The following WWTR1 variants were observed in gnomAD, a reference collection of about 807,000 sequenced individuals.
WWTR1 encodes the protein WW domain containing transcription regulator 1, also known as WW domain-containing transcription regulator protein 1.
In WWTR1, 13 loss-of-function variants were observed where a neutral mutation model predicts 40.1. The ratio of observed to expected loss-of-function variants is 0.32; its 90% CI spans 0.21 to 0.52. The LOEUF (loss-of-function observed/expected upper bound fraction) is 0.52, where lower values mean the gene tolerates loss of function less well. WWTR1 is among the 20% of genes least tolerant of loss of function. The pLI is 0.97. For missense variants in WWTR1, 436 were observed against 523.1 expected (o/e 0.83, Z 1.63); for synonymous variants, 230 against 210.1 (o/e 1.09, Z -0.82).
chr3:149,598,844 C>A (rs1249800193), intron 2 of WWTR1, among the ~76,000 whole-genome samples: 1 of 152,070 alleles, frequency 6.6e-6, no homozygotes, highest in African/African-American at 2.4e-5. Context: ...TAGGCTAGAG[C>A]CCCAGAATCA....
chr3:149,631,475 A>G (rs1711545958), intron 2 of WWTR1, among the ~76,000 whole-genome samples: 1 of 152,242 alleles, frequency 6.6e-6, no homozygotes, highest in Non-Finnish European at 1.5e-5. Flanking sequence ...TTACTAAAAA[A>G]GGCATTTTCA....
chr3:149,544,160 C>A (rs1348488672), intron 3 of WWTR1, among the ~76,000 whole-genome samples: 1 of 151,822 alleles, frequency 6.6e-6, no homozygotes, highest in Non-Finnish European at 1.5e-5. Context: ...ATTTAAGTAG[C>A]CCAAATCTCC....
chr3:149,636,325 A>C (rs1217849434), intron 2 of WWTR1, among the ~76,000 whole-genome samples: 1 of 152,220 alleles, frequency 6.6e-6, no homozygotes, highest in East Asian at 1.9e-4. Flanking sequence ...TTGAAACCCA[A>C]ACAGCCTACT....
intron 1 of WWTR1, among the ~76,000 whole-genome samples, chr3:149,696,438 T>C (rs1714994644): frequency 6.6e-6 from 1 of 152,202 alleles, no homozygotes; most frequent in African/African-American, 2.4e-5. Context: ...CCTTACAAGG[T>C]AAGTACTAAT....
chr3:149,621,478 T>C (rs150253594), intron 2 of WWTR1, among the ~76,000 whole-genome samples: 24 of 152,332 alleles, frequency 1.6e-4, no homozygotes, highest in African/African-American at 5.3e-4. Context: ...TAGCTTGTTG[T>C]ATATTCCCAT....
intron 1 of WWTR1, among the ~76,000 whole-genome samples, chr3:149,675,722 T>TC (rs1714237820): frequency 6.6e-6 from 1 of 151,038 alleles, no homozygotes; most frequent in African/African-American, 2.5e-5. Flanking sequence ...AAAATTTCTT[T>TC]CTTTTTTTTT....
rs764344843 is a variant in WWTR1, at chr3:149,518,891, A to C, written c.*1914T>G. 6 of 151,602 alleles carry C rather than the reference A, an allele frequency of 4.0e-5. No homozygotes were observed. Among genetic ancestry groups the C allele is most frequent in the African/African-American group, 9.7e-5 (4 of 41,228 alleles). The allele number at this position is 151,602 out of a possible 1,614,324, so 9.4% of individuals were successfully genotyped here. A position where few individuals can be genotyped will look rare whatever the true frequency, so the allele number is the denominator to read the frequency against. ...ATAACTTGTCTCTTTCCATTTCACA[A>C]CTAGTATCCTTTCCACGATATTCCA... On this transcript the variant is annotated 3_prime_UTR_variant, in exon 7 of 7. Coordinates refer to ENST00000360632, the MANE Select transcript of WWTR1 (RefSeq NM_015472.6).
At chr3:149,654,796 G>A (rs1399798586) in intron 2 of WWTR1, among the ~76,000 whole-genome samples, 2 of 152,182 alleles carry the variant, frequency 1.3e-5, no homozygotes, top group Non-Finnish European at 2.9e-5. Context: ...CCATACGTAT[G>A]TGTGTATATA....
intron 2 of WWTR1, among the ~76,000 whole-genome samples, chr3:149,651,471 A>G (rs1021448208): frequency 1.3e-5 from 2 of 152,238 alleles, no homozygotes; most frequent in Non-Finnish European, 2.9e-5. Flanking sequence ...CATACAGCTT[A>G]GACAAAGAAG....
intron 2 of WWTR1, among the ~76,000 whole-genome samples, chr3:149,630,466 A>G (rs1711515697): frequency 6.6e-6 from 1 of 152,166 alleles, no homozygotes; most frequent in South Asian, 2.1e-4. Context: ...TGGCCACCTC[A>G]TAGACAGGAT....
chr3:149,656,849 G>T, intron 2 of WWTR1, 27 bp downstream of exon 2: 2 of 1,500,282 alleles, frequency 1.3e-6, no homozygotes, highest in Admixed American at 2.3e-5. Flanking sequence ...GTGACTTGGT[G>T]CCTTCTTCGG....
intron 5 of WWTR1, 72 bp downstream of exon 5, chr3:149,527,764 C>T: frequency 3.1e-6 from 5 of 1,602,110 alleles, no homozygotes; most frequent in Non-Finnish European, 4.3e-6. Flanking sequence ...CCAATGTAAA[C>T]AAAGATCCTA....
chr3:149,687,845 A>G (rs1714702478), intron 1 of WWTR1, among the ~76,000 whole-genome samples: 1 of 152,102 alleles, frequency 6.6e-6, no homozygotes, highest in Non-Finnish European at 1.5e-5. Flanking sequence ...GCATTTGTAG[A>G]TCTGCCCTAG....
At chr3:149,715,502 C>T (rs1308847460) in intron 5 of WWTR1, among the ~76,000 whole-genome samples, 7 of 152,244 alleles carry the variant, frequency 4.6e-5, no homozygotes, top group African/African-American at 9.6e-5. Context: ...CCGGATCCCA[C>T]GCTTGCTTAC....
At chr3:149,605,083 A>C (rs957464089) in intron 2 of WWTR1, among the ~76,000 whole-genome samples, 1 of 152,212 alleles carries the variant, frequency 6.6e-6, no homozygotes, top group African/African-American at 2.4e-5. Flanking sequence ...CAGAGGCCGG[A>C]GACAGCACAA....
chr3:149,562,600 GACACACACAC>G (rs60366789), intron 3 of WWTR1, among the ~76,000 whole-genome samples: 11,133 of 135,812 alleles, frequency 0.082, 918 homozygotes, highest in East Asian at 0.41. Context: ...TTAAAATACA[GACACACACAC>G]ACACACACAC....
At chr3:149,688,346 T>C (rs1714718198) in intron 1 of WWTR1, among the ~76,000 whole-genome samples, 1 of 152,142 alleles carries the variant, frequency 6.6e-6, no homozygotes, top group African/African-American at 2.4e-5. Flanking sequence ...CTTTACTGGC[T>C]TTAGGTGTGA....
chr3:149,547,813 C>T (rs537911120), intron 3 of WWTR1, among the ~76,000 whole-genome samples: 1 of 150,192 alleles, frequency 6.7e-6, no homozygotes, highest in African/African-American at 2.4e-5. Context: ...TTTTCATCTC[C>T]TTTTCCCTTT....
intron 1 of WWTR1, among the ~76,000 whole-genome samples, chr3:149,698,747 C>A (rs1273582252): frequency 4.6e-5 from 7 of 152,356 alleles, no homozygotes; most frequent in Admixed American, 2.0e-4. Context: ...AGAATTAACA[C>A]CACATGGAAA....
Sources: gnomAD v4.1 joint callset for allele counts (sites outside exome capture counted in the v4.1 genomes callset) on GRCh38, gnomAD v4.1.1 for gene constraint, MANE v1.5 for transcripts, NCBI Gene and HGNC (gene_info 2026-07-23, HGNC 2026-07-21) for gene names.